The following KCNU1 variants were observed in gnomAD, a reference collection of about 807,000 sequenced individuals.
The protein encoded by KCNU1 is potassium calcium-activated channel subfamily U member 1.
A neutral mutation model predicts 126.8 loss-of-function variants in KCNU1; 93 were observed. That is an observed-to-expected ratio of 0.73 (90% CI 0.62 to 0.87). The LOEUF (loss-of-function observed/expected upper bound fraction) is 0.87. Among genes scored for constraint, KCNU1 ranks in the 40% least tolerant of loss-of-function variants. KCNU1 has a pLI of 0.00. For synonymous variants in KCNU1, 523 were observed against 494.2 expected (o/e 1.06, Z -0.77); for missense variants, 1,330 against 1,367.1 (o/e 0.97, Z 0.43).
chr8:36,795,797 G>C (rs1173855212), intron 2 of KCNU1: 1 of 152,216 alleles, frequency 6.6e-6, no homozygotes, highest in Non-Finnish European at 1.5e-5. Context: ...TTGCCCTCTG[G>C]ATCAGCTTGG....
intron 26 of KCNU1, among the ~76,000 whole-genome samples, chr8:36,933,567 G>T (rs549763343): frequency 1.3e-5 from 2 of 152,082 alleles, no homozygotes; most frequent in Non-Finnish European, 2.9e-5. Context: ...GGGAAAGAGA[G>T]GTTACAGTCT....
In KCNU1 at chr8:36,890,703, T is replaced by A. The variant is rs543855446; in HGVS notation, c.2010-15005T>A. 1.1e-4 allele frequency among the ~76,000 whole-genome samples: 17 copies of A among 152,012 alleles called. No homozygotes were observed. In the South Asian group the frequency reaches 3.3e-3, roughly 30 times the overall value. On this transcript the variant is annotated intron_variant, in intron 19 of 26. Transcript: ENST00000399881. ...ATAAATACAATTAAAAGACAGCTAT[T>A]GTTAGAGTTGATAAAGAAACAAGAT...
intron 14 of KCNU1, among the ~76,000 whole-genome samples, chr8:36,839,124 G>A (rs553575979): frequency 3.9e-5 from 6 of 152,202 alleles, no homozygotes; most frequent in Admixed American, 3.9e-4. Flanking sequence ...AGATTAAAAG[G>A]CCTTGAGTCA....
intron 4 of KCNU1, among the ~76,000 whole-genome samples, chr8:36,805,854 AT>A (rs1333338908): frequency 2.6e-5 from 4 of 151,790 alleles, no homozygotes; most frequent in Non-Finnish European, 2.9e-5. Flanking sequence ...AAAACATCTT[AT>A]TTTTTTTAGA....
At position 36,845,820 on chromosome 8, in the gene KCNU1, A is replaced by C. The variant is rs1805124043; in HGVS notation, c.1812A>C (p.Ser604=). ...TGTCCAGAGCCTTGTTTTACTGTTC[A>C]GTCTGTCATGATGATGTGTTCATTC... is the stretch of plus-strand genomic sequence containing the variant. ...KDVRRALFYC[S]VCHDDVFIPE... is the part of the protein sequence containing the mutation. Residue 604 remains serine (S), a synonymous_variant, in exon 18 of 27, where the codon TCA becomes TCC. Coordinates refer to ENST00000399881, the MANE Select transcript of KCNU1 (RefSeq NM_001031836.3). The C allele has an allele frequency of 6.2e-7, 1 of 1,609,390 alleles. No homozygotes were observed. Among genetic ancestry groups the C allele is most frequent in the African/African-American group, 1.3e-5 (1 of 74,888 alleles).
At chr8:36,876,159 C>A (rs992910432) in intron 19 of KCNU1, among the ~76,000 whole-genome samples, 2 of 152,106 alleles carry the variant, frequency 1.3e-5, no homozygotes, top group African/African-American at 4.8e-5. Flanking sequence ...TCAAACTAAT[C>A]GATTTCCATC....
At chr8:36,863,058 A>G (rs1464653356) in intron 18 of KCNU1, among the ~76,000 whole-genome samples, 1 of 152,200 alleles carries the variant, frequency 6.6e-6, no homozygotes, top group African/African-American at 2.4e-5. Flanking sequence ...TTCCAAACCC[A>G]TCTCTTAGCA....
chr8:36,853,091 T>A (rs1805409539), intron 18 of KCNU1, among the ~76,000 whole-genome samples: 1 of 152,182 alleles, frequency 6.6e-6, no homozygotes, highest in Non-Finnish European at 1.5e-5. Context: ...GGCTCACACC[T>A]GTAATGCCAG....
chr8:36,880,591 G>A (rs1358919349), intron 19 of KCNU1, among the ~76,000 whole-genome samples: 1 of 152,062 alleles, frequency 6.6e-6, no homozygotes, highest in Non-Finnish European at 1.5e-5. Context: ...TGGGGAAGTT[G>A]CTGTTGAGGA....
chr8:36,817,865 G>C (rs1803978797), intron 10 of KCNU1, 105 bp downstream of exon 10: 2 of 587,640 alleles, frequency 3.4e-6, no homozygotes, highest in South Asian at 5.3e-5. Context: ...AGAAAAAGTA[G>C]GTATTGATCA....
At chr8:36,926,407 A>G (rs997524427) in intron 24 of KCNU1, among the ~76,000 whole-genome samples, 7 of 151,746 alleles carry the variant, frequency 4.6e-5, no homozygotes, top group African/African-American at 1.7e-4. Context: ...AGATGTGCCC[A>G]CCCTGCCTTG....
chr8:36,789,490 C>A (rs778292879), intron 2 of KCNU1, among the ~76,000 whole-genome samples: 1 of 151,998 alleles, frequency 6.6e-6, no homozygotes, highest in Non-Finnish European at 1.5e-5. Context: ...CTTTGTAATT[C>A]TTTTACTTCT....
chr8:36,900,421 AG>A (rs33991544), intron 19 of KCNU1, among the ~76,000 whole-genome samples: 51,433 of 151,980 alleles, frequency 0.34, 9,479 homozygotes, highest in Admixed American at 0.42. Flanking sequence ...GATGAAATCC[AG>A]AAAAATTAAA....
chr8:36,796,258 G>A (rs1319280955), intron 2 of KCNU1, among the ~76,000 whole-genome samples: 4 of 152,132 alleles, frequency 2.6e-5, no homozygotes, highest in Admixed American at 2.6e-4. Flanking sequence ...GTCCAAGAAT[G>A]TCAAAGCTTT....
intron 19 of KCNU1, among the ~76,000 whole-genome samples, chr8:36,900,109 T>TA (rs1807356121): frequency 6.6e-6 from 1 of 152,144 alleles, no homozygotes; most frequent in Admixed American, 6.6e-5. Context: ...TTTAAAATTT[T>TA]ACCCGGTAAA....
intron 2 of KCNU1, among the ~76,000 whole-genome samples, chr8:36,800,259 T>C (rs552937070): frequency 1.6e-4 from 25 of 152,162 alleles, no homozygotes; most frequent in Non-Finnish European, 2.5e-4. Context: ...GTGCCCCTTT[T>C]AAACTGCATT....
chr8:36,850,481 G>A (rs966348109), intron 18 of KCNU1, among the ~76,000 whole-genome samples: 9 of 148,256 alleles, frequency 6.1e-5, no homozygotes, highest in African/African-American at 2.0e-4. Flanking sequence ...CTTTGGGACA[G>A]GGTCTCACTC....
chr8:36,817,499 CAAAAAAAAA>C (rs375306964), intron 9 of KCNU1, 142 bp from the exon 10 acceptor site: 47 of 232,620 alleles, frequency 2.0e-4, no homozygotes, highest in South Asian at 3.5e-4. Flanking sequence ...AACTCCATCT[CAAAAAAAAA>C]AAAAAAAAAA....
chr8:36,836,845 T>G lies in KCNU1; in HGVS notation c.1418T>G (p.Ile473Ser). Residue 473 changes from isoleucine (I) to serine (S), a missense_variant, in exon 14 of 27, where the codon ATC (isoleucine) becomes AGC (serine). By Grantham distance (142) the Ile-to-Ser change is moderately radical. This residue lies in a region of KCNU1 where 1,054 missense variants were observed against 1,053.9 expected (regional missense o/e 1.00). Coordinates refer to ENST00000399881, the MANE Select transcript of KCNU1 (RefSeq NM_001031836.3). ...AACTGGGACACCGGAGACAACATCA[T>G]CTGCTTTGCTGAATTAAAACTTGGA... ...SWNWDTGDNI[I>S]CFAELKLGFI... The G allele has an allele frequency of 6.2e-7, 1 of 1,613,868 alleles. No homozygotes were observed. Among genetic ancestry groups the G allele is most frequent in the Admixed American group, 1.7e-5 (1 of 60,020 alleles).
Sources: allele counts gnomAD v4.1 joint callset (sites outside exome capture counted in the v4.1 genomes callset), GRCh38; gene constraint gnomAD v4.1.1; regional missense constraint gnomAD v4.1.1; transcripts MANE v1.5; gene names NCBI Gene and HGNC (gene_info 2026-07-23, HGNC 2026-07-21).